CAMK2D: variants seen among roughly 807,000 people sequenced by gnomAD.
CAMK2D encodes the protein calcium/calmodulin dependent protein kinase II delta, also known as calcium/calmodulin-dependent protein kinase type II subunit delta.
In CAMK2D, 37 loss-of-function variants were observed where a neutral mutation model predicts 84.0. The ratio of observed to expected loss-of-function variants is 0.44; its 90% CI spans 0.34 to 0.58. The LOEUF (loss-of-function observed/expected upper bound fraction) is 0.58. Among genes scored for constraint, CAMK2D ranks in the 20% least tolerant of loss-of-function variants. The pLI is 0.02. For missense variants in CAMK2D, 448 were observed against 652.5 expected, an observed-to-expected ratio of 0.69 and a Z score of 3.41; for synonymous variants, 202 against 212.5, an observed-to-expected ratio of 0.95 and a Z score of 0.43.
At chr4:113,510,248 A>C (rs1249804803) in intron 12 of CAMK2D, among the ~76,000 whole-genome samples, 3 of 152,248 alleles carry the variant, frequency 2.0e-5, no homozygotes, top group African/African-American at 7.2e-5. Flanking sequence ...GGCTTAGAGC[A>C]AATTTTTAAA....
intron 4 of CAMK2D, among the ~76,000 whole-genome samples, chr4:113,569,281 T>C (rs1276821812): frequency 6.6e-6 from 1 of 152,236 alleles, no homozygotes; most frequent in Non-Finnish European, 1.5e-5. Context: ...GCTTGTGCTT[T>C]TGTGTCATAT....
chr4:113,636,643 C>T (rs2099110787), intron 3 of CAMK2D, among the ~76,000 whole-genome samples: 1 of 152,208 alleles, frequency 6.6e-6, no homozygotes, highest in Non-Finnish European at 1.5e-5. Context: ...TGCTTCCTGG[C>T]TTGCAGATAG....
chr4:113,470,297 C>T (rs552064932), intron 16 of CAMK2D, among the ~76,000 whole-genome samples: 1 of 152,144 alleles, frequency 6.6e-6, no homozygotes, highest in East Asian at 1.9e-4. Flanking sequence ...GCACCCCCCC[C>T]ATTTTGCTCC....
intron 4 of CAMK2D, among the ~76,000 whole-genome samples, chr4:113,584,783 T>C (rs901796036): frequency 2.6e-5 from 4 of 152,152 alleles, no homozygotes; most frequent in African/African-American, 4.8e-5. Context: ...TGCAGTTAAA[T>C]TGTGGTGGTT....
chr4:113,759,484 G>C, intron 1 of CAMK2D, 70 bp from the exon 2 acceptor site: 1 of 967,632 alleles, frequency 1.0e-6, no homozygotes, highest in Non-Finnish European at 1.5e-6. Flanking sequence ...TATAAAATCT[G>C]AGCATTTTTA....
chr4:113,680,126 CAAATTTTTTCACATTATTT>C (rs2099337588), intron 2 of CAMK2D, among the ~76,000 whole-genome samples: 1 of 151,950 alleles, frequency 6.6e-6, no homozygotes, highest in Non-Finnish European at 1.5e-5. Flanking sequence ...AAGCCAGTCA[CAAATTTTTTCACATTATTT>C]AAGTTCTTGT....
At chr4:113,565,202 G>C (rs1036320364) in intron 4 of CAMK2D, among the ~76,000 whole-genome samples, 5 of 152,164 alleles carry the variant, frequency 3.3e-5, no homozygotes, top group Non-Finnish European at 5.9e-5. Context: ...AAGAGAACAG[G>C]CAAGGTAGGG....
chr4:113,688,928 A>G lies in CAMK2D; in HGVS notation c.161-27156T>C, dbSNP rs1213534086. Among the ~76,000 whole-genome samples, 22 of 150,280 alleles carry G rather than the reference A, an allele frequency of 1.5e-4. 1 individual carries two copies. The highest frequency in any genetic ancestry group is 5.1e-4 in the African/African-American group (21 of 40,836). The stretch of plus-strand genomic sequence containing the variant: ...GAAGATGCAAAAAAAAAAAAAAAAA[A>G]AAAAAGGAAAGAGCACACTAAAAAA... On this transcript the variant is annotated intron_variant, in intron 2 of 20. Transcript: ENST00000511664.
At chr4:113,656,170 G>C (rs1470796785) in intron 3 of CAMK2D, among the ~76,000 whole-genome samples, 2 of 152,068 alleles carry the variant, frequency 1.3e-5, no homozygotes, top group Non-Finnish European at 2.9e-5. Context: ...ACAAAGTAAG[G>C]TGTTCTCCTC....
At position 113,460,177 on chromosome 4, in the gene CAMK2D, T is replaced by C. The variant is rs1589664714; in HGVS notation, c.1276A>G (p.Met426Val). The C allele has an allele frequency of 6.2e-7, 1 of 1,600,456 alleles. No individual in the cohort carries two copies. The highest frequency in any genetic ancestry group is 8.6e-7 in the Non-Finnish European group (1 of 1,168,194). ...PEALGNLVEG[M>V]DFHRFYFENA... ...TCAAAGTAGAATCGGTGAAAATCCA[T>C]CCCTTCCACTAAATTACCCAAAGCT... The change falls in exon 18 of 21, where the codon ATG (methionine) becomes GTG (valine). Residue 426 changes from methionine to valine, a missense_variant. By Grantham distance (21) the Met-to-Val change is conservative (BLOSUM62 1). This residue lies in a region of CAMK2D where 219 missense variants were observed against 272.1 expected (regional missense o/e 0.80). Transcript: ENST00000511664.
chr4:113,682,995 A>C (rs1362198784), intron 2 of CAMK2D, among the ~76,000 whole-genome samples: 1 of 152,238 alleles, frequency 6.6e-6, no homozygotes, highest in Non-Finnish European at 1.5e-5. Context: ...TTTGAGTCAC[A>C]TGATCTATAA....
chr4:113,702,185 GT>G (rs2099420342), intron 2 of CAMK2D, among the ~76,000 whole-genome samples: 1 of 152,076 alleles, frequency 6.6e-6, no homozygotes. Context: ...TTACTAAGAG[GT>G]TACTTTCACT....
At chr4:113,495,808 A>G (rs2097919807) in intron 16 of CAMK2D, among the ~76,000 whole-genome samples, 1 of 152,148 alleles carries the variant, frequency 6.6e-6, no homozygotes, top group South Asian at 2.1e-4. Context: ...CTAGATGTGT[A>G]AGAAGGATGA....
chr4:113,608,348 AGG>A (rs2098986368), intron 4 of CAMK2D, among the ~76,000 whole-genome samples: 1 of 152,224 alleles, frequency 6.6e-6, no homozygotes, highest in African/African-American at 2.4e-5. Context: ...TTAAAATGCT[AGG>A]CAGTAGTCCA....
intron 10 of CAMK2D, among the ~76,000 whole-genome samples, chr4:113,514,270 G>A (rs1298467627): frequency 2.0e-5 from 3 of 152,076 alleles, no homozygotes; most frequent in Admixed American, 6.5e-5. Flanking sequence ...AAAATTAGCC[G>A]GGCGTGGTGG....
chr4:113,585,020 C>T (rs1321023517), intron 4 of CAMK2D, among the ~76,000 whole-genome samples: 1 of 152,164 alleles, frequency 6.6e-6, no homozygotes, highest in Admixed American at 6.6e-5. Flanking sequence ...GCTTGCTGTC[C>T]TTTCTCATCA....
At chr4:113,550,119 G>A (rs890531399) in intron 5 of CAMK2D, among the ~76,000 whole-genome samples, 1 of 152,130 alleles carries the variant, frequency 6.6e-6, no homozygotes, top group African/African-American at 2.4e-5. Context: ...TTTTACTAGT[G>A]AGAATGGATT....
At chr4:113,713,959 A>G (rs375296275) in intron 2 of CAMK2D, among the ~76,000 whole-genome samples, 1 of 151,696 alleles carries the variant, frequency 6.6e-6, no homozygotes, top group African/African-American at 2.4e-5. Flanking sequence ...TACTGATGGC[A>G]TCTGTTTTTT....
intron 13 of CAMK2D, chr4:113,508,264 C>G (rs1483412587): frequency 1.9e-6 from 3 of 1,546,768 alleles, no homozygotes; most frequent in East Asian, 2.4e-5. Context: ...ACTGGACTTC[C>G]TTTTCTGAAT....
Sources: gnomAD v4.1 joint callset for allele counts (sites outside exome capture counted in the v4.1 genomes callset) on GRCh38, gnomAD v4.1.1 for gene constraint, gnomAD v4.1.1 regional missense constraint, MANE v1.5 for transcripts, NCBI Gene and HGNC (gene_info 2026-07-23, HGNC 2026-07-21) for gene names.